TRAF3IP1: variants seen among roughly 807,000 people sequenced by gnomAD.
The protein encoded by TRAF3IP1 is intraflagellar transport 54, also known as TRAF3-interacting protein 1.
In TRAF3IP1, 53 loss-of-function variants were observed where a neutral mutation model predicts 89.9. The observed-to-expected ratio is 0.59, with a 90% confidence interval of 0.47 to 0.74. The LOEUF (loss-of-function observed/expected upper bound fraction) is 0.74, where lower values mean the gene tolerates loss of function less well. TRAF3IP1 is among the 30% of genes least tolerant of loss of function. The pLI is 0.00. For missense variants in TRAF3IP1, 806 were observed against 866.1 expected (o/e 0.93, Z 0.87); for synonymous variants, 311 against 322.1 (o/e 0.97, Z 0.37).
chr2:238,343,646 C>CA (rs1698760050), intron 8 of TRAF3IP1, among the ~76,000 whole-genome samples: 1 of 113,444 alleles, frequency 8.8e-6, no homozygotes, highest in Admixed American at 9.6e-5. Flanking sequence ...TGTGCTTGGC[C>CA]TTTTTTTTTT....
At chr2:238,322,275 GC>G (rs1372384109) in intron 1 of TRAF3IP1, among the ~76,000 whole-genome samples, 1 of 152,262 alleles carries the variant, frequency 6.6e-6, no homozygotes, top group African/African-American at 2.4e-5. Flanking sequence ...GAAATGCAGA[GC>G]CCCAGGAGGG....
intron 15 of TRAF3IP1, among the ~76,000 whole-genome samples, chr2:238,364,932 A>T (rs1699813898): frequency 6.6e-6 from 1 of 152,248 alleles, no homozygotes; most frequent in Non-Finnish European, 1.5e-5. Context: ...ATAAGCAAGC[A>T]AATATTGCTA....
chr2:238,340,695 CTG>C (rs1034004835), intron 8 of TRAF3IP1, among the ~76,000 whole-genome samples: 3 of 151,826 alleles, frequency 2.0e-5, no homozygotes, highest in Non-Finnish European at 4.4e-5. Context: ...ACTTCTCTAA[CTG>C]TTTCTATTGT....
In TRAF3IP1 at chr2:238,332,289, G is replaced by A. The variant is rs140432492; in HGVS notation, c.916-535G>A. ...GTCTTCTGGAAAAGTGATTTAAGGC[G>A]TGAGATAAGATGGTGTTTACGGTTT... On this transcript the variant is annotated intron_variant, in intron 5 of 16. Transcript: ENST00000373327. Among the ~76,000 whole-genome samples the A allele has an allele frequency of 3.2e-3, 490 of 152,308 alleles. 7 individuals are homozygous for A. Among genetic ancestry groups the A allele is most frequent in the Non-Finnish European group, 3.4e-3 (229 of 68,030 alleles).
At chr2:238,397,380 C>T (rs559963661) in intron 15 of TRAF3IP1, 79 bp from the exon 16 acceptor site, 50 of 1,302,012 alleles carry the variant, frequency 3.8e-5, no homozygotes, top group East Asian at 2.1e-4. Flanking sequence ...GCCCCATGGC[C>T]GTGTGCTGAG....
At chr2:238,347,643 T>C (rs147528990) in intron 10 of TRAF3IP1, among the ~76,000 whole-genome samples, 168 bp downstream of exon 10, 29 of 152,308 alleles carry the variant, frequency 1.9e-4, no homozygotes, top group Non-Finnish European at 3.4e-4. Flanking sequence ...TATTTATTTT[T>C]TGAGATGGAG....
At position 238,349,422 on chromosome 2, in the gene TRAF3IP1, A is replaced by G. The variant is rs747177497; in HGVS notation, c.1451+14A>G. On this transcript the variant is annotated intron_variant, in intron 12 of 16. Transcript: ENST00000373327. ...ACAAATGGATAGGTAAGGCTGGCTC[A>G]GCAGGGCAGTTCCAGCCACACAGTG... 3.7e-6 allele frequency: 6 copies of G among 1,612,698 alleles called. No homozygotes were observed. In the African/African-American group the frequency reaches 8.0e-5, roughly 22 times the overall value.
intron 14 of TRAF3IP1, 57 bp downstream of exon 14, chr2:238,353,266 C>A: frequency 6.3e-7 from 1 of 1,591,372 alleles, no homozygotes; most frequent in Non-Finnish European, 8.6e-7. Context: ...CATGCACCTT[C>A]TCCACGTGGG....
Position 238,329,164 on chromosome 2 carries a change from A to C in TRAF3IP1, c.737A>C (p.Lys246Thr). ...NRERDRDSER[K>T]KETERKSEGG... is the part of the protein sequence containing the mutation. ...GAGCGGGACAGAGACTCCGAGCGCA[A>C]GAAGGAGACAGAGAGAAAGAGTGAG... Residue 246 changes from lysine to threonine, a missense_variant, in exon 5 of 17, where the codon AAG becomes ACG. Physicochemically the swap from Lys to Thr is moderately conservative, Grantham distance 78. Transcript: ENST00000373327. 1 of 1,559,182 alleles carries C rather than the reference A, an allele frequency of 6.4e-7. No individual in the cohort carries two copies. The highest frequency in any genetic ancestry group is 2.3e-5 in the East Asian group (1 of 42,580).
rs777730727 is a variant in TRAF3IP1, at chr2:238,397,558, G to A, written c.1789G>A (p.Ala597Thr). 33 of 1,612,926 alleles carry A rather than the reference G, an allele frequency of 2.0e-5. No individual in the cohort carries two copies. In the East Asian group the frequency reaches 2.5e-4, roughly 12 times the overall value. ...GTCCATCCAGACCCTGTGCAAGAGCGCACTTCCCCTGGGGAAGATCATGGA... is the reference window on the plus strand; with the variant it reads ...GTCCATCCAGACCCTGTGCAAGAGCACACTTCCCCTGGGGAAGATCATGGA... Reference protein sequence around the residue: ...RTSIQTLCKSALPLGKIMDYI... With the variant: ...RTSIQTLCKSTLPLGKIMDYI... Residue 597 changes from alanine to threonine, a missense_variant, in exon 16 of 17, where the codon GCA (alanine) becomes ACA (threonine). Coordinates refer to ENST00000373327, the MANE Select transcript of TRAF3IP1 (RefSeq NM_015650.4).
rs191312455 is a variant in TRAF3IP1, at chr2:238,393,482, A to G, written c.1690-3977A>G. Among the ~76,000 whole-genome samples, 347 of 152,156 alleles carry G rather than the reference A, an allele frequency of 2.3e-3. 1 individual carries two copies. The highest frequency in any genetic ancestry group is 8.2e-3 in the African/African-American group (339 of 41,514). On this transcript the variant is annotated intron_variant, in intron 15 of 16. Coordinates refer to ENST00000373327, the MANE Select transcript of TRAF3IP1 (RefSeq NM_015650.4). ...GTTGTTTTTGCTCATTCTGTGACTT[A>G]CCTTTGCGGCTTCTTCCCAGGGTCT...
chr2:238,371,585 A>AG (rs1700113565), intron 15 of TRAF3IP1, among the ~76,000 whole-genome samples: 1 of 152,244 alleles, frequency 6.6e-6, no homozygotes, highest in South Asian at 2.1e-4. Flanking sequence ...CCTAAGCCTA[A>AG]GGAAAGCCTG....
chr2:238,342,434 G>C (rs969963543), intron 8 of TRAF3IP1, among the ~76,000 whole-genome samples: 4 of 152,030 alleles, frequency 2.6e-5, no homozygotes, highest in African/African-American at 9.7e-5. Flanking sequence ...CTTTCTCTCG[G>C]TGTGAACTTG....
chr2:238,350,458 G>A (rs926609468), intron 12 of TRAF3IP1, among the ~76,000 whole-genome samples: 2 of 152,162 alleles, frequency 1.3e-5, no homozygotes, highest in Non-Finnish European at 2.9e-5. Context: ...AGGGTCTGGG[G>A]GAAGAGGAGT....
At position 238,351,834 on chromosome 2, in the gene TRAF3IP1, G is replaced by GGTGTGTGTGTGTGTGT. The variant is rs10527993; in HGVS notation, c.1452-975_1452-960dup. On this transcript the variant is annotated intron_variant, in intron 12 of 16. Coordinates refer to ENST00000373327, the MANE Select transcript of TRAF3IP1 (RefSeq NM_015650.4). This position sits in a 1 kb window ranked among gnomAD's most constrained non-coding sequence, Gnocchi z 5.2. ...TGGCACTGAAGCAAGGGAGGATTTT[G>GGTGTGTGTGTGTGTGT]GTGTGTGTGTGTGTGTGTGTGTGTG... 2.4e-4 allele frequency among the ~76,000 whole-genome samples: 34 copies of GGTGTGTGTGTGTGTGT among 140,966 alleles called. No individual in the cohort carries two copies. Among genetic ancestry groups the GGTGTGTGTGTGTGTGT allele is most frequent in the African/African-American group, 8.4e-4 (32 of 38,024 alleles). The allele number at this position is 140,966 out of a possible 152,430, so 92.5% of individuals were successfully genotyped here.
rs1700463372 is a variant in TRAF3IP1 at position 238,379,627 on chromosome 2, C to G, written c.1690-17832C>G. 6.6e-6 allele frequency among the ~76,000 whole-genome samples: 1 copy of G among 152,228 alleles called. No individual in the cohort carries two copies. Among genetic ancestry groups the G allele is most frequent in the South Asian group, 2.1e-4 (1 of 4,834 alleles). On this transcript the variant is annotated intron_variant, in intron 15 of 16. Transcript: ENST00000373327. This position sits in a 1 kb window ranked among gnomAD's most constrained non-coding sequence, Gnocchi z 4.0. ...CCGAGGACCTCTGACCTCATGGCCA[C>G]TTCCTGCTGCAGGTTTAGACGGTGG...
chr2:238,328,057 A>G (rs1282947164), intron 3 of TRAF3IP1, among the ~76,000 whole-genome samples: 1 of 152,236 alleles, frequency 6.6e-6, no homozygotes, highest in Non-Finnish European at 1.5e-5. Context: ...GGGTATACAA[A>G]TATCTCTTCA....
chr2:238,395,807 T>C (rs751744581), intron 15 of TRAF3IP1, among the ~76,000 whole-genome samples: 9 of 152,158 alleles, frequency 5.9e-5, no homozygotes, highest in Non-Finnish European at 1.0e-4. Context: ...ATCAGAGATA[T>C]GCAAATCAAA....
At chr2:238,321,519 G>T (rs1233437987) in intron 1 of TRAF3IP1, among the ~76,000 whole-genome samples, 1 of 152,168 alleles carries the variant, frequency 6.6e-6, no homozygotes, top group African/African-American at 2.4e-5. Flanking sequence ...CGTTGAGATT[G>T]GTGGTCTCTG....
Sources: gnomAD v4.1 joint callset for allele counts (sites outside exome capture counted in the v4.1 genomes callset) on GRCh38, gnomAD v4.1.1 for gene constraint, Gnocchi (gnomAD v3.1) non-coding constraint, MANE v1.5 for transcripts, NCBI Gene and HGNC (gene_info 2026-07-23, HGNC 2026-07-21) for gene names.